The following AFF2 variants were observed in gnomAD, a reference collection of about 807,000 sequenced individuals.
The protein encoded by AFF2 is AF4/FMR2 family member 2.
A neutral mutation model predicts 76.9 loss-of-function variants in AFF2; 14 were observed. The ratio of observed to expected loss-of-function variants is 0.18; its 90% CI spans 0.12 to 0.28. The LOEUF is 0.28. Among genes scored for constraint, AFF2 ranks in the 10% least tolerant of loss-of-function variants. The pLI is 1.00. For synonymous variants in AFF2, 398 were observed against 366.7 expected (o/e 1.09, Z -0.98); for missense variants, 868 against 1,001.1 (o/e 0.87, Z 1.79).
At chrX:148,789,010 C>T (rs1404441294) in intron 3 of AFF2, among the ~76,000 whole-genome samples, 1 of 111,833 alleles carries the variant, frequency 8.9e-6, no homozygotes, top group African/African-American at 3.2e-5. Context: ...AATGACACTC[C>T]TGGATGGCAT....
At position 148,703,999 on chromosome X, in the gene AFF2, G is replaced by A. The variant is rs185738354; in HGVS notation, c.1041+41231G>A. Among the ~76,000 whole-genome samples the A allele has an allele frequency of 5.0e-3, 530 of 106,880 alleles. 2 individuals carry two copies. Among genetic ancestry groups the A allele is most frequent in the Non-Finnish European group, 7.9e-3 (415 of 52,203 alleles). 92.8% of individuals were successfully genotyped at this position (106,880 alleles called of 115,157 possible). A position where few individuals can be genotyped will look rare whatever the true frequency, so the allele number is the denominator to read the frequency against. On this transcript the variant is annotated intron_variant, in intron 3 of 20. Transcript: ENST00000370460. ...TGACGTGGACTTCCTGGGCTCAAAT[G>A]ATCCTTGCACCTCAGCCTCCCAAGT...
Position 148,963,359 on chromosome X carries a change from A to G in AFF2, c.2913+422A>G, listed in dbSNP as rs1006725941. On this transcript the variant is annotated intron_variant, in intron 13 of 20. Transcript: ENST00000370460. ...CCATTCTTTCTATTAATGATTTGAA[A>G]TCTAGGAGACTTTGTGGCATAATTT... Among the ~76,000 whole-genome samples the G allele has an allele frequency of 2.3e-4, 26 of 111,862 alleles. 1 individual carries two copies. Among genetic ancestry groups the G allele is most frequent in the African/African-American group, 8.4e-4 (26 of 30,774 alleles).
At chrX:148,967,167 A>G (rs1349324946) in intron 14 of AFF2, 88 bp downstream of exon 14, 1 of 1,145,467 alleles carries the variant, frequency 8.7e-7, no homozygotes, top group African/African-American at 1.8e-5. Context: ...TGCATGTGTC[A>G]CCCCAAATAA....
At chrX:148,626,230 T>C (rs919120812) in intron 1 of AFF2, among the ~76,000 whole-genome samples, 155 of 110,107 alleles carry the variant, frequency 1.4e-3, no homozygotes, top group African/African-American at 4.9e-3. Flanking sequence ...CCATTTACTC[T>C]TTGTGGTTAT....
intron 3 of AFF2, among the ~76,000 whole-genome samples, chrX:148,793,114 T>C (rs1265207087): frequency 1.8e-5 from 2 of 111,749 alleles, no homozygotes; most frequent in Admixed American, 1.9e-4. Flanking sequence ...AACATGGCTA[T>C]GACCTCCTAC....
chrX:148,522,422 G>C (rs2052612382), intron 1 of AFF2, among the ~76,000 whole-genome samples: 1 of 112,360 alleles, frequency 8.9e-6, no homozygotes, highest in South Asian at 3.7e-4. Context: ...GACTTTCTGG[G>C]CATGGAATTG....
intron 1 of AFF2, among the ~76,000 whole-genome samples, chrX:148,537,612 T>C (rs1208767361): frequency 2.7e-5 from 3 of 110,522 alleles, no homozygotes; most frequent in African/African-American, 9.9e-5. Flanking sequence ...CGTTATGCTC[T>C]AGGGCATATA....
intron 7 of AFF2, among the ~76,000 whole-genome samples, chrX:148,867,277 A>C (rs1215247893): frequency 3.6e-5 from 4 of 112,182 alleles, no homozygotes; most frequent in African/African-American, 1.3e-4. Context: ...TCCAAGAGCA[A>C]AGTGGCTTTC....
At chrX:148,602,991 A>G (rs1024508014) in intron 1 of AFF2, among the ~76,000 whole-genome samples, 2 of 111,075 alleles carry the variant, frequency 1.8e-5, no homozygotes, top group Non-Finnish European at 3.8e-5. Context: ...AACTGATGGG[A>G]CTTTCCCCTC....
chrX:148,641,201 C>G (rs782398784), intron 1 of AFF2, among the ~76,000 whole-genome samples: 1 of 111,225 alleles, frequency 9.0e-6, no homozygotes, highest in Non-Finnish European at 1.9e-5. Context: ...ATTAAATAGA[C>G]AAATTAATGT....
chrX:148,835,971 A>G (rs1443593455), intron 4 of AFF2, among the ~76,000 whole-genome samples: 5 of 112,004 alleles, frequency 4.5e-5, no homozygotes, highest in Non-Finnish European at 9.4e-5. Flanking sequence ...ATTTTAAATG[A>G]TCTGACTATT....
Position 148,962,699 on chromosome X carries a change from T to C in AFF2, c.2691-16T>C. On this transcript the variant is annotated splice_polypyrimidine_tract_variant and intron_variant, in intron 12 of 20. Transcript: ENST00000370460. ...GAGAAGACTTTATGACACCCTACAC[T>C]TCTTGTTTTTCACAGAAATAATTCA... 8.5e-7 allele frequency: 1 copy of C among 1,177,202 alleles called. No homozygotes were observed. The highest frequency in any genetic ancestry group is 1.2e-6 in the Non-Finnish European group (1 of 865,498).
At chrX:148,657,959 T>G (rs1557257328) in intron 2 of AFF2, among the ~76,000 whole-genome samples, 1 of 111,785 alleles carries the variant, frequency 8.9e-6, no homozygotes, top group Non-Finnish European at 1.9e-5. Context: ...TGTGTAGGTG[T>G]GTATAAATGT....
chrX:148,817,718 C>T (rs980198653), intron 4 of AFF2, among the ~76,000 whole-genome samples: 17 of 111,610 alleles, frequency 1.5e-4, no homozygotes, highest in African/African-American at 5.5e-4. Context: ...TGCAAAGCTC[C>T]TTAATGAAAT....
chrX:148,803,512 A>G (rs1364636916), intron 3 of AFF2, among the ~76,000 whole-genome samples: 2 of 111,533 alleles, frequency 1.8e-5, no homozygotes, highest in Non-Finnish European at 3.8e-5. Context: ...GTGCTTCCAG[A>G]TAGGTTCTTG....
intron 8 of AFF2, among the ~76,000 whole-genome samples, chrX:148,886,342 G>A (rs781874060): frequency 9.0e-6 from 1 of 111,283 alleles, no homozygotes; most frequent in South Asian, 3.8e-4. Flanking sequence ...TGACTCTGGT[G>A]TGAGGCTTGG....
intron 3 of AFF2, among the ~76,000 whole-genome samples, chrX:148,735,042 G>A (rs782375888): frequency 5.4e-5 from 6 of 112,139 alleles, no homozygotes; most frequent in East Asian, 2.8e-4. Context: ...ATTAGGCATC[G>A]ATTCATATAA....
At chrX:148,973,325 C>G (rs1288555916) in intron 15 of AFF2, 146 bp from the exon 16 acceptor site, 2 of 708,578 alleles carry the variant, frequency 2.8e-6, no homozygotes, top group Non-Finnish European at 4.2e-6. Flanking sequence ...CCCCTCTCCC[C>G]AGGGGTGACA....
intron 1 of AFF2, among the ~76,000 whole-genome samples, chrX:148,535,623 A>C (rs986064552): frequency 4.5e-5 from 5 of 112,303 alleles, no homozygotes; most frequent in African/African-American, 9.7e-5. Context: ...ATTTTTCTTT[A>C]TTTATTTTTA....
Sources: gnomAD v4.1 joint callset for allele counts (sites outside exome capture counted in the v4.1 genomes callset) on GRCh38, gnomAD v4.1.1 for gene constraint, MANE v1.5 for transcripts, NCBI Gene and HGNC (gene_info 2026-07-23, HGNC 2026-07-21) for gene names.